The following RAB33A variants were observed in gnomAD, a reference collection of about 807,000 sequenced individuals.
The protein encoded by RAB33A is RAB33A, member RAS oncogene family, also known as ras-related protein Rab-33A.
In RAB33A, 6 loss-of-function variants were observed where a neutral mutation model predicts 12.0. That is an observed-to-expected ratio of 0.50 (90% CI 0.27 to 0.99). RAB33A has a LOEUF of 0.99. RAB33A is among the 50% of genes least tolerant of loss of function. RAB33A has a pLI of 0.11. For synonymous variants in RAB33A, 70 were observed against 82.4 expected, an observed-to-expected ratio of 0.85 and a Z score of 0.81; for missense variants, 109 against 192.0, an observed-to-expected ratio of 0.57 and a Z score of 2.55.
the RAB33A span, chrX:130,129,878 G>A: frequency 1.9e-6 from 2 of 1,064,372 alleles, no homozygotes; most frequent in African/African-American, 3.7e-5. Flanking sequence ...CCTGGCCGGG[G>A]GACAATGCAT....
intron 1 of RAB33A, among the ~76,000 whole-genome samples, chrX:130,181,824 G>A (rs1036290955): frequency 9.1e-6 from 1 of 110,120 alleles, no homozygotes; most frequent in Admixed American, 9.8e-5. Flanking sequence ...GCGCACGACT[G>A]TAATCCCAGC....
upstream of RAB33A, among the ~76,000 whole-genome samples, chrX:130,167,106 T>C (rs2031545778): frequency 8.9e-6 from 1 of 111,981 alleles, no homozygotes; most frequent in Non-Finnish European, 1.9e-5. Flanking sequence ...TCTTGAAGGA[T>C]GAGTAGTAAA....
chrX:130,177,389 T>C (rs971324815), intron 1 of RAB33A, among the ~76,000 whole-genome samples: 2 of 112,272 alleles, frequency 1.8e-5, no homozygotes, highest in Non-Finnish European at 3.8e-5. Flanking sequence ...CCAGCAACCA[T>C]AGGAGGATCA....
At chrX:130,115,205 C>T in the RAB33A span, among the ~76,000 whole-genome samples, 3 of 112,032 alleles carry the variant, frequency 2.7e-5, no homozygotes, top group African/African-American at 6.5e-5. Context: ...CCTCTGCTCA[C>T]TTAACTCCTT....
At chrX:130,176,444 C>T (rs1348608839) in intron 1 of RAB33A, among the ~76,000 whole-genome samples, 1 of 111,998 alleles carries the variant, frequency 8.9e-6, no homozygotes, top group African/African-American at 3.2e-5. Flanking sequence ...AGACAAACTG[C>T]AGGTCAGCTG....
At chrX:130,181,267 T>C (rs1466880939) in intron 1 of RAB33A, among the ~76,000 whole-genome samples, 3 of 110,750 alleles carry the variant, frequency 2.7e-5, no homozygotes, top group African/African-American at 9.9e-5. Context: ...TTCGGAATGA[T>C]GACTCTAGGG....
chrX:130,138,644 T>C, the RAB33A span: 1 of 1,210,880 alleles, frequency 8.3e-7, no homozygotes, highest in Non-Finnish European at 1.1e-6. Context: ...CCCCCACCGA[T>C]AATCGTAATT....
the RAB33A span, chrX:130,136,086 G>A: frequency 1.7e-6 from 2 of 1,211,515 alleles, no homozygotes; most frequent in Non-Finnish European, 2.2e-6. Context: ...GCATTTACCC[G>A]GAAGCCACCA....
At chrX:130,119,063 C>T in the RAB33A span, among the ~76,000 whole-genome samples, 4 of 111,538 alleles carry the variant, frequency 3.6e-5, no homozygotes, top group East Asian at 5.6e-4. Flanking sequence ...CAGTCCAAGA[C>T]GGAGGTGGCC....
At chrX:130,152,750 A>G in the RAB33A span, among the ~76,000 whole-genome samples, 21 of 111,970 alleles carry the variant, frequency 1.9e-4, no homozygotes, top group Non-Finnish European at 2.6e-4. Context: ...TCTCACATCA[A>G]TGCGAATCAG....
At chrX:130,151,986 C>T in the RAB33A span, among the ~76,000 whole-genome samples, 3 of 110,234 alleles carry the variant, frequency 2.7e-5, no homozygotes, top group Non-Finnish European at 5.7e-5. Flanking sequence ...CTGCAGTGAG[C>T]CGAGATTGCA....
the RAB33A span, among the ~76,000 whole-genome samples, chrX:130,127,211 G>C: frequency 1.8e-5 from 2 of 111,539 alleles, no homozygotes; most frequent in South Asian, 7.5e-4. Flanking sequence ...GTGGCTTTAG[G>C]AAGTGGTCTA....
At chrX:130,124,090 T>C in the RAB33A span, among the ~76,000 whole-genome samples, 1 of 111,389 alleles carries the variant, frequency 9.0e-6, no homozygotes, top group Non-Finnish European at 1.9e-5. Flanking sequence ...ATGCCTAGAA[T>C]AGATAGAAGC....
chrX:130,167,431 T>C (rs944885431), upstream of RAB33A, among the ~76,000 whole-genome samples: 1 of 112,948 alleles, frequency 8.9e-6, no homozygotes, highest in Non-Finnish European at 1.9e-5. Flanking sequence ...GGGACAATGA[T>C]AGAGAGTACA....
At chrX:130,113,077 C>CTTTTTTTT in the RAB33A span, among the ~76,000 whole-genome samples, 51 of 46,962 alleles carry the variant, frequency 1.1e-3, 1 homozygote, top group African/African-American at 1.2e-3. Flanking sequence ...TTTTTTCCTT[C>CTTTTTTTT]TTTTTTTTTT....
the RAB33A span, chrX:130,165,821 C>T: frequency 9.1e-4 from 472 of 516,943 alleles, 2 homozygotes; most frequent in African/African-American, 1.6e-3. Context: ...AGCCGGCCTG[C>T]TAGAGCCGGG....
At chrX:130,131,849 C>A in the RAB33A span, 1 of 1,193,110 alleles carries the variant, frequency 8.4e-7, no homozygotes. Context: ...AGGAATGACA[C>A]GGTAGCACAT....
chrX:130,142,323 A>G, the RAB33A span, among the ~76,000 whole-genome samples: 1 of 111,089 alleles, frequency 9.0e-6, no homozygotes, highest in Non-Finnish European at 1.9e-5. Context: ...GCCTCCTTTG[A>G]TTTGTCCTTG....
At chrX:130,115,348 C>G in the RAB33A span, among the ~76,000 whole-genome samples, 2 of 112,202 alleles carry the variant, frequency 1.8e-5, no homozygotes, top group African/African-American at 6.5e-5. Context: ...CACAGTGGTT[C>G]ACGCCTGTAA....
Sources: allele counts gnomAD v4.1 joint callset (sites outside exome capture counted in the v4.1 genomes callset), GRCh38; gene constraint gnomAD v4.1.1; transcripts MANE v1.5; gene names NCBI Gene and HGNC (gene_info 2026-07-23, HGNC 2026-07-21).